Variants in TGFBR3 observed in about 807,000 individuals in gnomAD.
TGFBR3 encodes transforming growth factor beta receptor type 3.
TGFBR3 carries 46 observed loss-of-function variants against 87.9 expected under a neutral mutation model. That is an observed-to-expected ratio of 0.52 (90% CI 0.41 to 0.67). The LOEUF is 0.67. Among genes scored for constraint, TGFBR3 ranks in the 30% least tolerant of loss-of-function variants. The pLI, the probability that TGFBR3 is intolerant of heterozygous loss-of-function variation, is 0.00. For synonymous variants in TGFBR3, 381 were observed against 391.6 expected (o/e 0.97, Z 0.32); for missense variants, 866 against 1,041.9 (o/e 0.83, Z 2.32).
At chr1:91,719,597 A>G in intron 9 of TGFBR3, 133 bp from the exon 10 acceptor site, 1 of 1,160,104 alleles carries the variant, frequency 8.6e-7, no homozygotes, top group Non-Finnish European at 1.3e-6. Context: ...TTCCCCAAGT[A>G]TCTCTTCCCA....
intron 14 of TGFBR3, among the ~76,000 whole-genome samples, chr1:91,698,796 T>A (rs1043257719): frequency 2.0e-5 from 3 of 152,226 alleles, no homozygotes; most frequent in Non-Finnish European, 4.4e-5. Flanking sequence ...CGCGAGCCAC[T>A]GCGCCCAGCC....
chr1:91,735,839 T>C (rs575486255), intron 4 of TGFBR3, among the ~76,000 whole-genome samples: 2 of 152,186 alleles, frequency 1.3e-5, no homozygotes, highest in African/African-American at 2.4e-5. Flanking sequence ...AACTGATTTT[T>C]TCAATGTCAG....
chr1:91,785,964 A>G (rs76046389), intron 3 of TGFBR3, among the ~76,000 whole-genome samples: 5,812 of 152,048 alleles, frequency 0.038, 304 homozygotes, highest in African/African-American at 0.11. Context: ...GGGTTTTGCC[A>G]TATTGCCCAG....
At chr1:91,730,086 C>T in intron 5 of TGFBR3, 113 bp from the exon 6 acceptor site, 1 of 1,201,346 alleles carries the variant, frequency 8.3e-7, no homozygotes. Flanking sequence ...GAACCACGAG[C>T]TCAAAGGATG....
rs1371415751 is a variant in TGFBR3 at position 91,696,349 on chromosome 1, C to T, written c.2330-570G>A. On this transcript the variant is annotated intron_variant, in intron 15 of 16. Coordinates refer to ENST00000212355, the MANE Select transcript of TGFBR3 (RefSeq NM_003243.5). Reference sequence around the variant, plus strand: ...ATTCCTGTGGATTATAACATTTCACCGATCTCCTCATATTAAACTCTTAAT... The same window carrying T: ...ATTCCTGTGGATTATAACATTTCACTGATCTCCTCATATTAAACTCTTAAT... 3.3e-5 allele frequency among the ~76,000 whole-genome samples: 5 copies of T among 152,114 alleles called. No homozygotes were observed. The East Asian group carries it at 7.7e-4, about 23-fold the overall frequency.
At chr1:91,720,654 A>T (rs1489003481) in intron 8 of TGFBR3, among the ~76,000 whole-genome samples, 4 of 152,228 alleles carry the variant, frequency 2.6e-5, no homozygotes, top group African/African-American at 9.6e-5. Context: ...TGTAACTGCA[A>T]TGTGCACCTA....
intron 3 of TGFBR3, among the ~76,000 whole-genome samples, chr1:91,780,884 TACACACACACACAC>T (rs56862200): frequency 1.3e-3 from 169 of 132,658 alleles, no homozygotes; most frequent in Admixed American, 1.9e-3. Flanking sequence ...ACTAGAGAAC[TACACACACACACAC>T]ACACACACAC....
chr1:91,904,981 T>C (rs1455152279), intron 1 of TGFBR3, among the ~76,000 whole-genome samples: 1 of 152,080 alleles, frequency 6.6e-6, no homozygotes, highest in African/African-American at 2.4e-5. Flanking sequence ...ATTACAGGCA[T>C]GAGCCACCAT....
intron 2 of TGFBR3, chr1:91,899,572 A>T (rs960629585): frequency 2.6e-5 from 4 of 152,010 alleles, no homozygotes; most frequent in African/African-American, 9.7e-5. Flanking sequence ...TCCACTTTTC[A>T]GGCTCAAAAT....
upstream of TGFBR3, among the ~76,000 whole-genome samples, chr1:91,890,093 C>A (rs976679024): frequency 9.9e-5 from 15 of 152,110 alleles, no homozygotes; most frequent in Non-Finnish European, 2.1e-4. Context: ...TTCTTTTGGT[C>A]CAAAGTGGTT....
chr1:91,730,014 C>T, intron 5 of TGFBR3, 41 bp from the exon 6 acceptor site: 6 of 1,611,350 alleles, frequency 3.7e-6, no homozygotes, highest in South Asian at 1.1e-5. Flanking sequence ...CACTGAGGTA[C>T]TCGGTAACCA....
intron 2 of TGFBR3, among the ~76,000 whole-genome samples, chr1:91,859,123 TTC>T (rs1678079161): frequency 6.6e-6 from 1 of 152,094 alleles, no homozygotes; most frequent in Non-Finnish European, 1.5e-5. Context: ...TGAGTGTGTA[TTC>T]AACTCAAATA....
At chr1:91,858,506 T>C (rs776089146) in intron 2 of TGFBR3, among the ~76,000 whole-genome samples, 4 of 148,588 alleles carry the variant, frequency 2.7e-5, no homozygotes, top group Admixed American at 6.8e-5. Context: ...TCCCATCTAC[T>C]CGGGAGGTTG....
intron 1 of TGFBR3, among the ~76,000 whole-genome samples, chr1:91,903,616 C>CT (rs1457103967): frequency 6.6e-6 from 1 of 151,694 alleles, no homozygotes; most frequent in Non-Finnish European, 1.5e-5. Context: ...GCATGGTAGT[C>CT]TCTGCAGGTA....
At chr1:91,690,222 T>C (rs1671221082) in intron 16 of TGFBR3, among the ~76,000 whole-genome samples, 1 of 152,112 alleles carries the variant, frequency 6.6e-6, no homozygotes, top group African/African-American at 2.4e-5. Context: ...TTGGCTGAAC[T>C]ATATGAGAAG....
At chr1:91,749,151 C>T (rs1673448586) in intron 4 of TGFBR3, among the ~76,000 whole-genome samples, 1 of 152,110 alleles carries the variant, frequency 6.6e-6, no homozygotes, top group Non-Finnish European at 1.5e-5. Context: ...GCAGGCTTGG[C>T]TCCAAACAGC....
Position 91,719,352 on chromosome 1 carries a change from G to A in TGFBR3, c.1526C>T (p.Pro509Leu). ...ESPLNGCGTR[P>L]RWSALDGVVY... ...CACACCATCAAGGGCTGACCACCGGGGCCGAGTACCGCAGCCATTCAGAGG... is the reference window on the plus strand; with the variant it reads ...CACACCATCAAGGGCTGACCACCGGAGCCGAGTACCGCAGCCATTCAGAGG... The change falls in exon 10 of 17, where the codon CCC (proline) becomes CTC (leucine). Residue 509 changes from proline to leucine, a missense_variant. Pro to Leu is a moderately conservative substitution (Grantham distance 98, BLOSUM62 -3). Transcript: ENST00000212355. 1 of 1,614,074 alleles carries A rather than the reference G, an allele frequency of 6.2e-7. No individual in the cohort carries two copies. The highest frequency in any genetic ancestry group is 8.5e-7 in the Non-Finnish European group (1 of 1,180,002).
intron 2 of TGFBR3, among the ~76,000 whole-genome samples, chr1:91,897,063 T>C (rs1309507290): frequency 6.6e-6 from 1 of 152,216 alleles, no homozygotes; most frequent in Non-Finnish European, 1.5e-5. Context: ...GCTGGAATTT[T>C]GAGTGCTGCT....
intron 2 of TGFBR3, among the ~76,000 whole-genome samples, chr1:91,799,689 G>T (rs1398801742): frequency 5.9e-5 from 9 of 152,138 alleles, no homozygotes; most frequent in African/African-American, 2.2e-4. Context: ...TGTGTGCAAA[G>T]CTCTGAACAG....
Sources: gnomAD v4.1 joint callset for allele counts (sites outside exome capture counted in the v4.1 genomes callset) on GRCh38, gnomAD v4.1.1 for gene constraint, MANE v1.5 for transcripts, NCBI Gene and HGNC (gene_info 2026-07-23, HGNC 2026-07-21) for gene names.